Variants in GTF2I observed in about 807,000 individuals in gnomAD.
GTF2I encodes the protein general transcription factor II-I.
GTF2I carries 12 observed loss-of-function variants against 67.6 expected under a neutral mutation model. The ratio of observed to expected loss-of-function variants is 0.18; its 90% CI spans 0.11 to 0.29. The LOEUF is 0.29. Among genes scored for constraint, GTF2I ranks in the 10% least tolerant of loss-of-function variants. The probability of loss-of-function intolerance (pLI) is 1.00; values close to 1 mark genes in which losing one functional copy is unlikely to be tolerated. For synonymous variants in GTF2I, 149 were observed against 197.0 expected (o/e 0.76, Z 2.04); for missense variants, 271 against 580.1 (o/e 0.47, Z 5.47).
intron 3 of GTF2I, among the ~76,000 whole-genome samples, chr7:74,692,925 G>C (rs782262003): frequency 6.6e-4 from 100 of 152,028 alleles, no homozygotes; most frequent in Non-Finnish European, 1.2e-3. Context: ...ACCACACCCA[G>C]CTAGTTTTGT....
At chr7:74,722,752 A>G (rs1793192236) in intron 12 of GTF2I, 1 of 152,228 alleles carries the variant, frequency 6.6e-6, no homozygotes. Context: ...CACGTGGCAC[A>G]CTTACTGCAG....
intron 1 of GTF2I, among the ~76,000 whole-genome samples, chr7:74,674,395 G>A (rs587693401): frequency 1.0e-3 from 155 of 152,188 alleles, no homozygotes; most frequent in African/African-American, 3.5e-3. Context: ...GAAAATAGTT[G>A]CAAGAACAGC....
At chr7:74,714,349 C>T (rs1791990637) in intron 9 of GTF2I, among the ~76,000 whole-genome samples, 1 of 152,006 alleles carries the variant, frequency 6.6e-6, no homozygotes, top group Non-Finnish European at 1.5e-5. Context: ...TGTCACATTT[C>T]TATTTCAGTA....
At chr7:74,698,263 G>T (rs1214473828) in intron 3 of GTF2I, among the ~76,000 whole-genome samples, 1 of 151,140 alleles carries the variant, frequency 6.6e-6, no homozygotes, top group African/African-American at 2.4e-5. Context: ...CCTAATTTTT[G>T]TATTTTTAGT....
chr7:74,709,334 C>T (rs1005567099), intron 8 of GTF2I, among the ~76,000 whole-genome samples: 4 of 152,088 alleles, frequency 2.6e-5, no homozygotes, highest in African/African-American at 4.8e-5. Flanking sequence ...CCACAACCTC[C>T]GTGTCTCAGA....
At chr7:74,732,325 G>T (rs1584314144) in intron 14 of GTF2I, among the ~76,000 whole-genome samples, 154 bp from the exon 15 acceptor site, 1 of 151,494 alleles carries the variant, frequency 6.6e-6, no homozygotes, top group East Asian at 1.9e-4. Flanking sequence ...AGTGAACCGA[G>T]ATCACACCAC....
chr7:74,662,542 A>T (rs1554387059), intron 1 of GTF2I, among the ~76,000 whole-genome samples: 22 of 7,620 alleles, frequency 2.9e-3, no homozygotes, highest in Non-Finnish European at 5.3e-3. Flanking sequence ...TTTTTTTTTG[A>T]GACACAGTCT....
At chr7:74,714,322 A>G (rs1554403165) in intron 9 of GTF2I, among the ~76,000 whole-genome samples, 1 of 152,152 alleles carries the variant, frequency 6.6e-6, no homozygotes, top group African/African-American at 2.4e-5. Context: ...GGGAGAATGA[A>G]TTAATAGCTG....
At chr7:74,692,098 G>A (rs1554397198) in intron 3 of GTF2I, among the ~76,000 whole-genome samples, 1 of 146,536 alleles carries the variant, frequency 6.8e-6, no homozygotes, top group Non-Finnish European at 1.5e-5. Context: ...TTTAAGAGAT[G>A]GGGTCTCGCT....
intron 1 of GTF2I, among the ~76,000 whole-genome samples, chr7:74,667,633 A>G (rs1254461046): frequency 6.6e-6 from 1 of 151,796 alleles, no homozygotes; most frequent in African/African-American, 2.4e-5. Context: ...CTCCCACCTC[A>G]GTCTCCCGAG....
intron 1 of GTF2I, among the ~76,000 whole-genome samples, chr7:74,681,452 AAAAAAG>A (rs1787263508): frequency 6.6e-6 from 1 of 150,644 alleles, no homozygotes; most frequent in South Asian, 2.1e-4. Flanking sequence ...AAAAAAAAGA[AAAAAAG>A]AAAAAAAAAT....
At chr7:74,726,970 GAT>G (rs1554405840) in intron 12 of GTF2I, 1 of 152,160 alleles carries the variant, frequency 6.6e-6, no homozygotes, top group African/African-American at 2.4e-5. Context: ...CCGATAGATA[GAT>G]AGTTTTCTAT....
chr7:74,704,141 G>C (rs997744881), intron 6 of GTF2I, among the ~76,000 whole-genome samples: 1 of 152,088 alleles, frequency 6.6e-6, no homozygotes, highest in Non-Finnish European at 1.5e-5. Flanking sequence ...AAAGCATTCT[G>C]TCTTTGACCA....
intron 1 of GTF2I, among the ~76,000 whole-genome samples, chr7:74,679,890 G>A (rs1162292775): frequency 1.3e-5 from 2 of 151,660 alleles, no homozygotes; most frequent in Admixed American, 6.6e-5. Flanking sequence ...AGACCAGCCT[G>A]GCCAACGTGG....
At position 74,662,680 on chromosome 7, in the gene GTF2I, G is replaced by T. The variant is rs1244335054; in HGVS notation, c.-6+4612G>T. Reference sequence around the variant, plus strand: ...TGGGATTACAAGCACGCACCACCACGCCTGGCTAATTTTTTGTATTTTTAG... The same window carrying T: ...TGGGATTACAAGCACGCACCACCACTCCTGGCTAATTTTTTGTATTTTTAG... On this transcript the variant is annotated intron_variant, in intron 1 of 34. Transcript: ENST00000573035. Among the ~76,000 whole-genome samples, 3 of 151,454 alleles carry T rather than the reference G, an allele frequency of 2.0e-5. No homozygotes were observed. The Admixed American group carries it at 2.0e-4, about 10-fold the overall frequency.
chr7:74,716,748 TG>T, intron 10 of GTF2I, 145 bp from the exon 11 acceptor site: 1 of 559,092 alleles, frequency 1.8e-6, no homozygotes. Flanking sequence ...TAGAAAACAT[TG>T]TTCGACTTAA....
intron 1 of GTF2I, among the ~76,000 whole-genome samples, chr7:74,683,667 A>G (rs1250877069): frequency 6.6e-6 from 1 of 152,160 alleles, no homozygotes; most frequent in Non-Finnish European, 1.5e-5. Flanking sequence ...AGCCTGCCCA[A>G]TGTGGTGAAA....
intron 8 of GTF2I, among the ~76,000 whole-genome samples, chr7:74,708,215 AT>A (rs1791023733): frequency 6.6e-6 from 1 of 152,160 alleles, no homozygotes; most frequent in South Asian, 2.1e-4. Flanking sequence ...AGGGAGGAGA[AT>A]CGTTTGAACT....
At chr7:74,722,063 A>C (rs1010828985) in intron 12 of GTF2I, among the ~76,000 whole-genome samples, 1 of 152,164 alleles carries the variant, frequency 6.6e-6, no homozygotes, top group Non-Finnish European at 1.5e-5. Context: ...TAGAAAAAAA[A>C]ACAGAACTTT....
Sources: allele counts gnomAD v4.1 joint callset (sites outside exome capture counted in the v4.1 genomes callset), GRCh38; gene constraint gnomAD v4.1.1; transcripts MANE v1.5; gene names NCBI Gene and HGNC (gene_info 2026-07-23, HGNC 2026-07-21).